Variants in INTS10 observed in about 807,000 individuals in gnomAD.
INTS10 encodes the protein chromosome 8 open reading frame 35.
INTS10 carries 44 observed loss-of-function variants against 94.4 expected under a neutral mutation model. The ratio of observed to expected loss-of-function variants is 0.47; its 90% confidence interval spans 0.37 to 0.60. The LOEUF (loss-of-function observed/expected upper bound fraction) is 0.60, where lower values mean the gene tolerates loss of function less well. Among genes scored for constraint, INTS10 ranks in the 20% least tolerant of loss-of-function variants. The pLI is 0.00. For synonymous variants in INTS10, 341 were observed against 320.7 expected (o/e 1.06, Z -0.68); for missense variants, 797 against 868.7 (o/e 0.92, Z 1.04).
In INTS10 at chr8:19,817,565, C is replaced by T. The variant is rs1452021993; in HGVS notation, c.28C>T (p.Leu10=). The stretch of plus-strand genomic sequence containing the variant: ...GTCTGCCCAGGGGGACTGCGAGTTC[C>T]TGGTGCAGCGAGCCCGGGAGTTGGT... MSAQGDCEF[L]VQRARELVPQ... is the part of the protein sequence containing the mutation. The change falls in exon 1 of 17, where the codon CTG becomes TTG. Residue 10 remains leucine, a synonymous_variant. Coordinates refer to ENST00000397977, the MANE Select transcript of INTS10 (RefSeq NM_018142.4). 4 of 1,608,948 alleles carry T rather than the reference C, an allele frequency of 2.5e-6. No individual in the cohort carries two copies. The African/African-American group carries it at 4.0e-5, about 16-fold the overall frequency.
chr8:19,841,832 T>A (rs970924677), intron 13 of INTS10: 2 of 456,070 alleles, frequency 4.4e-6, no homozygotes, highest in Non-Finnish European at 8.8e-6. Context: ...TACAGGGTCA[T>A]GAGTTTCAAC....
chr8:19,847,877 G>C (rs998622052), intron 16 of INTS10, among the ~76,000 whole-genome samples: 3 of 152,124 alleles, frequency 2.0e-5, no homozygotes, highest in Non-Finnish European at 4.4e-5. Flanking sequence ...TAACTAGTGA[G>C]GGAGAACTCC....
rs1253563132 is a variant in INTS10 at position 19,849,469 on chromosome 8, A to T, written c.1977-2180A>T. ...ATTTAAAAATCATTATGGATCTGGA[A>T]AAAACAATGAAAGCTATATAAATCT... On this transcript the variant is annotated intron_variant, in intron 16 of 16. Coordinates refer to ENST00000397977, the MANE Select transcript of INTS10 (RefSeq NM_018142.4). This position sits in a 1 kb window ranked among gnomAD's most constrained non-coding sequence, Gnocchi z 4.6. Among the ~76,000 whole-genome samples, 1 of 152,212 alleles carries T rather than the reference A, an allele frequency of 6.6e-6. No individual in the cohort carries two copies. The highest frequency in any genetic ancestry group is 1.5e-5 in the Non-Finnish European group (1 of 68,040).
At chr8:19,819,202 G>A (rs1185610675) in intron 2 of INTS10, among the ~76,000 whole-genome samples, 2 of 152,062 alleles carry the variant, frequency 1.3e-5, no homozygotes, top group African/African-American at 4.8e-5. Context: ...AAAAAAATTT[G>A]TACTACTCAT....
At chr8:19,833,456 T>TAG in intron 12 of INTS10, 135 bp downstream of exon 12, 5 of 574,558 alleles carry the variant, frequency 8.7e-6, no homozygotes, top group Non-Finnish European at 1.3e-5. Flanking sequence ...TTACTTAATC[T>TAG]GCTAGTGAAC....
At chr8:19,824,159 G>T (rs11786874) in intron 7 of INTS10, 115 bp downstream of exon 7, 5 of 811,276 alleles carry the variant, frequency 6.2e-6, no homozygotes, top group Non-Finnish European at 9.7e-6. Flanking sequence ...GGCAAATTTT[G>T]TGACACTCAA....
chr8:19,822,428 T>G lies in INTS10; in HGVS notation c.442-11T>G. 6.4e-7 allele frequency: 1 copy of G among 1,573,900 alleles called. No homozygotes were observed. Among genetic ancestry groups the G allele is most frequent in the Non-Finnish European group, 8.7e-7 (1 of 1,144,908 alleles). Reference sequence around the variant, plus strand: ...TAACACATTTAAATGAGTAATTTTGTTTTGAAATAGGTTGGCCTTGGGGAG... The same window carrying G: ...TAACACATTTAAATGAGTAATTTTGGTTTGAAATAGGTTGGCCTTGGGGAG... On this transcript the variant is annotated splice_polypyrimidine_tract_variant and intron_variant, in intron 4 of 16. Coordinates refer to ENST00000397977, the MANE Select transcript of INTS10 (RefSeq NM_018142.4).
intron 8 of INTS10, 55 bp downstream of exon 8, chr8:19,825,027 T>G (rs2066682782): frequency 4.2e-6 from 6 of 1,443,272 alleles, no homozygotes; most frequent in Non-Finnish European, 5.8e-6. Context: ...GTGGGGATGG[T>G]AAGGAAAATG....
At chr8:19,834,513 C>T (rs2067496870) in intron 12 of INTS10, among the ~76,000 whole-genome samples, 1 of 152,172 alleles carries the variant, frequency 6.6e-6, no homozygotes, top group Non-Finnish European at 1.5e-5. Context: ...ATACATATCT[C>T]AAGTAGAATT....
At chr8:19,847,381 A>C (rs1187087604) in intron 16 of INTS10, among the ~76,000 whole-genome samples, 1 of 152,210 alleles carries the variant, frequency 6.6e-6, no homozygotes, top group Non-Finnish European at 1.5e-5. Flanking sequence ...GTTGTTCAAA[A>C]TATTCTTAAC....
intron 1 of INTS10, 135 bp downstream of exon 1, chr8:19,817,801 C>CCCCCTCCTCTCTCCCCTCCCAT: frequency 8.9e-7 from 1 of 1,128,136 alleles, no homozygotes; most frequent in South Asian, 1.5e-5. Context: ...TCCCCTCCCA[C>CCCCCTCCTCTCTCCCCTCCCAT]CCCCTCCTCT....
intron 2 of INTS10, 118 bp downstream of exon 2, chr8:19,818,460 C>G (rs959641193): frequency 2.9e-5 from 29 of 998,040 alleles, no homozygotes; most frequent in Non-Finnish European, 3.9e-5. Context: ...TCTTCGATAC[C>G]TAAAGCAAAC....
In INTS10 at chr8:19,823,386, T is replaced by A; in HGVS notation, c.609T>A (p.Ala203=). ...NLLYKYLNKA[A]EFYINYVTRS... Reference sequence around the variant, plus strand: ...TGTATAAGTACTTGAACAAAGCAGCTGAATTTTATATCAATTATGTCACTA... The same window carrying A: ...TGTATAAGTACTTGAACAAAGCAGCAGAATTTTATATCAATTATGTCACTA... The change falls in exon 6 of 17, where the codon GCT becomes GCA. Residue 203 remains alanine, a synonymous_variant. Coordinates refer to ENST00000397977, the MANE Select transcript of INTS10 (RefSeq NM_018142.4). The A allele has an allele frequency of 6.2e-7, 1 of 1,606,290 alleles. No homozygotes were observed.
At position 19,848,402 on chromosome 8, in the gene INTS10, C is replaced by T. The variant is rs181072788; in HGVS notation, c.1976+2605C>T. 1.2e-3 allele frequency among the ~76,000 whole-genome samples: 181 copies of T among 152,238 alleles called. 2 individuals are homozygous for T. Among genetic ancestry groups the T allele is most frequent in the Non-Finnish European group, 1.8e-3 (120 of 68,022 alleles). On this transcript the variant is annotated intron_variant, in intron 16 of 16. Coordinates refer to ENST00000397977, the MANE Select transcript of INTS10 (RefSeq NM_018142.4). ...CTTAATCTGTTATACAGACCTTTTG[C>T]TCTTAAGTATTTTAAAATAGAGAAA...
rs1429506141 is a variant in INTS10, at chr8:19,818,327, GGCT to G, written c.187_189del (p.Leu63del). 1.2e-6 allele frequency: 2 copies of G among 1,614,190 alleles called. No homozygotes were observed. Among genetic ancestry groups the G allele is most frequent in the Admixed American group, 3.3e-5 (2 of 60,018 alleles). On this transcript the variant is annotated inframe_deletion, in exon 2 of 17. Coordinates refer to ENST00000397977, the MANE Select transcript of INTS10 (RefSeq NM_018142.4). ...GCAGAGCGGACCGCCACCGCCGGGAGGCTGCTGTACGACATGTGAGTGGGACGC... is the reference window on the plus strand; with the variant it reads ...GCAGAGCGGACCGCCACCGCCGGGAGGCTGTACGACATGTGAGTGGGACGC...
chr8:19,819,628 T>A lies in INTS10; in HGVS notation c.253T>A (p.Ser85Thr). The change falls in exon 3 of 17, where the codon TCA becomes ACA. Residue 85 changes from serine to threonine, a missense_variant. Transcript: ENST00000397977. ...GTGGAGAGAAATCAGCATTATTACATCAGCATTAAGGAACGATTCACAGGA... is the reference window on the plus strand; with the variant it reads ...GTGGAGAGAAATCAGCATTATTACAACAGCATTAAGGAACGATTCACAGGA... ...VVWREISIIT[S>T]ALRNDSQDKQ... The A allele has an allele frequency of 6.2e-7, 1 of 1,613,664 alleles. No individual in the cohort carries two copies. Among genetic ancestry groups the A allele is most frequent in the Non-Finnish European group, 8.5e-7 (1 of 1,179,766 alleles).
intron 11 of INTS10, among the ~76,000 whole-genome samples, chr8:19,832,498 A>G (rs1364720845): frequency 1.3e-5 from 2 of 152,170 alleles, no homozygotes; most frequent in Non-Finnish European, 1.5e-5. Context: ...TGAGCCCAGG[A>G]AGTCAAGACT....
At chr8:19,836,236 A>AAT (rs59787379) in intron 12 of INTS10, among the ~76,000 whole-genome samples, 1 of 150,718 alleles carries the variant, frequency 6.6e-6, no homozygotes, top group Non-Finnish European at 1.5e-5. Flanking sequence ...AAAAAAAAAA[A>AAT]GCTCCAATTC....
chr8:19,821,406 C>T (rs60369789), intron 4 of INTS10: 22,947 of 152,204 alleles, frequency 0.15, 1,928 homozygotes, highest in East Asian at 0.28. Flanking sequence ...GCTCCATCAC[C>T]ACATGATCTT....
Sources: allele counts gnomAD v4.1 joint callset (sites outside exome capture counted in the v4.1 genomes callset), GRCh38; gene constraint gnomAD v4.1.1; non-coding constraint Gnocchi (gnomAD v3.1); transcripts MANE v1.5; gene names NCBI Gene and HGNC (gene_info 2026-07-23, HGNC 2026-07-21).